ARPP21: variants seen among roughly 807,000 people sequenced by gnomAD.
ARPP21 encodes the protein cAMP regulated phosphoprotein 21, also known as cAMP-regulated phosphoprotein 21.
ARPP21 carries 69 observed loss-of-function variants against 113.2 expected under a neutral mutation model. The ratio of observed to expected loss-of-function variants is 0.61; its 90% CI spans 0.50 to 0.74. ARPP21 has a LOEUF of 0.74. Ranked by LOEUF, ARPP21 falls within the 30% of genes least tolerant of loss-of-function variation. The probability of loss-of-function intolerance (pLI) is 0.00; values close to 1 mark genes in which losing one functional copy is unlikely to be tolerated. For synonymous variants in ARPP21, 368 were observed against 375.5 expected, an observed-to-expected ratio of 0.98 and a Z score of 0.23; for missense variants, 1,070 against 1,037.4, an observed-to-expected ratio of 1.03 and a Z score of -0.43.
intron 1 of ARPP21, among the ~76,000 whole-genome samples, chr3:35,664,517 A>T (rs533565169): frequency 7.2e-5 from 11 of 152,114 alleles, no homozygotes; most frequent in Non-Finnish European, 1.5e-4. Context: ...TCAAGTCCCC[A>T]GGTGGCTCTG....
intron 10 of ARPP21, chr3:35,707,628 C>A: frequency 2.3e-6 from 1 of 434,916 alleles, no homozygotes; most frequent in East Asian, 7.1e-5. Context: ...TATCCCCTCT[C>A]CTTCCCATGT....
chr3:35,732,458 C>T (rs12636941), intron 15 of ARPP21, among the ~76,000 whole-genome samples: 54,333 of 152,008 alleles, frequency 0.36, 10,962 homozygotes, highest in East Asian at 0.72. Flanking sequence ...TGAGGTGTCA[C>T]GGAGGCTGTT....
intron 19 of ARPP21, 57 bp from the exon 20 acceptor site, chr3:35,792,325 G>T (rs2096763585): frequency 3.9e-6 from 6 of 1,554,438 alleles, no homozygotes; most frequent in Non-Finnish European, 5.3e-6. Context: ...TTTACCCCAT[G>T]AAACATCACT....
intron 12 of ARPP21, among the ~76,000 whole-genome samples, chr3:35,716,088 T>A (rs1376699530): frequency 6.6e-6 from 1 of 152,044 alleles, no homozygotes; most frequent in Non-Finnish European, 1.5e-5. Context: ...AAAATCTTGG[T>A]GATAAGAGCA....
intron 1 of ARPP21, among the ~76,000 whole-genome samples, chr3:35,668,129 A>G (rs1264667250): frequency 1.3e-5 from 2 of 152,154 alleles, no homozygotes; most frequent in Non-Finnish European, 2.9e-5. Flanking sequence ...ATTTCTTGCT[A>G]CTATTCATGG....
intron 1 of ARPP21, among the ~76,000 whole-genome samples, chr3:35,648,892 A>T (rs1023758660): frequency 6.6e-6 from 1 of 152,214 alleles, no homozygotes; most frequent in Admixed American, 6.5e-5. Context: ...ATAAATTTAT[A>T]TTTCTTTGCT....
intron 19 of ARPP21, among the ~76,000 whole-genome samples, chr3:35,783,217 A>G (rs2096561999): frequency 6.6e-6 from 1 of 152,240 alleles, no homozygotes; most frequent in South Asian, 2.1e-4. Context: ...CCACTCATAA[A>G]TATATTGTCT....
intron 1 of ARPP21, among the ~76,000 whole-genome samples, chr3:35,668,014 GAAGAAGAAGAAGAAGAAGGAGA>G (rs2075261836): frequency 1.3e-5 from 2 of 149,740 alleles, no homozygotes; most frequent in African/African-American, 5.0e-5. Context: ...AGAAGAAGAA[GAAGAAGAAGAAGAAGAAGGAGA>G]AGAAGAAGAA....
intron 9 of ARPP21, among the ~76,000 whole-genome samples, chr3:35,705,855 A>C (rs2088767804): frequency 6.6e-6 from 1 of 152,232 alleles, no homozygotes. Flanking sequence ...ATTATAATTT[A>C]TGTACACGTA....
chr3:35,770,099 C>A (rs2096142846), intron 19 of ARPP21, among the ~76,000 whole-genome samples: 1 of 152,170 alleles, frequency 6.6e-6, no homozygotes, highest in African/African-American at 2.4e-5. Flanking sequence ...CAGTTGTTGA[C>A]TACAAAATAC....
At chr3:35,653,835 A>AC (rs1280948028) in intron 1 of ARPP21, among the ~76,000 whole-genome samples, 2 of 152,218 alleles carry the variant, frequency 1.3e-5, no homozygotes, top group East Asian at 3.9e-4. Flanking sequence ...TATGTATATC[A>AC]ATATTTGTTT....
intron 19 of ARPP21, among the ~76,000 whole-genome samples, chr3:35,760,882 C>G (rs1576735966): frequency 6.6e-6 from 1 of 152,008 alleles, no homozygotes; most frequent in African/African-American, 2.4e-5. Flanking sequence ...ATGGATCTTC[C>G]TGAATTTCTG....
chr3:35,718,081 G>A (rs576521557), intron 13 of ARPP21, among the ~76,000 whole-genome samples: 13 of 152,160 alleles, frequency 8.5e-5, no homozygotes, highest in African/African-American at 2.2e-4. Flanking sequence ...ATTTACCTCC[G>A]TTGCAGGAAT....
intron 19 of ARPP21, among the ~76,000 whole-genome samples, chr3:35,745,504 A>T (rs924226428): frequency 5.3e-5 from 8 of 152,198 alleles, no homozygotes; most frequent in Non-Finnish European, 1.0e-4. Context: ...ATTTTTAAAG[A>T]GATTATTTCA....
At chr3:35,710,681 A>G (rs1012968113) in intron 11 of ARPP21, among the ~76,000 whole-genome samples, 4 of 152,076 alleles carry the variant, frequency 2.6e-5, no homozygotes, top group Non-Finnish European at 5.9e-5. Flanking sequence ...TGCACATGCA[A>G]TATTATGCTG....
Position 35,693,920 on chromosome 3 carries a change from G to A in ARPP21, c.686+2915G>A, listed in dbSNP as rs1559642218. Among the ~76,000 whole-genome samples the A allele has an allele frequency of 2.0e-5, 3 of 151,534 alleles. No individual in the cohort carries two copies. In the South Asian group the frequency reaches 6.2e-4, roughly 31 times the overall value. ...AACACATGAAATGCATATTTTAATG[G>A]CACTATAGTCTGAGAGAAATGCAGA... On this transcript the variant is annotated intron_variant, in intron 9 of 20. Transcript: ENST00000684406.
intron 13 of ARPP21, among the ~76,000 whole-genome samples, chr3:35,721,395 T>TTCA (rs1426040132): frequency 6.6e-6 from 1 of 152,232 alleles, no homozygotes; most frequent in Non-Finnish European, 1.5e-5. Flanking sequence ...GTTTTTCTGT[T>TTCA]TGTAACCTAT....
At chr3:35,792,220 A>C (rs958699698) in intron 19 of ARPP21, 162 bp from the exon 20 acceptor site, 2 of 667,278 alleles carry the variant, frequency 3.0e-6, no homozygotes, top group African/African-American at 3.6e-5. Flanking sequence ...AGAAGTAAAA[A>C]AAAGAGAAAA....
intron 11 of ARPP21, 80 bp from the exon 12 acceptor site, chr3:35,715,359 A>T: frequency 8.9e-7 from 1 of 1,120,892 alleles, no homozygotes; most frequent in South Asian, 1.3e-5. Context: ...GGGGAAAGTT[A>T]GTTTTAAAAT....
Sources: gnomAD v4.1 joint callset for allele counts (sites outside exome capture counted in the v4.1 genomes callset) on GRCh38, gnomAD v4.1.1 for gene constraint, MANE v1.5 for transcripts, NCBI Gene and HGNC (gene_info 2026-07-23, HGNC 2026-07-21) for gene names.